Variants in NCKAP5 observed in about 807,000 individuals in gnomAD.
NCKAP5 encodes the protein NCK associated protein 5, also known as nck-associated protein 5.
Under a neutral mutation model 167.0 loss-of-function variants are expected in NCKAP5, and 92 were observed. The observed-to-expected ratio is 0.55, with a 90% confidence interval of 0.47 to 0.66. The LOEUF is 0.66. Ranked by LOEUF, NCKAP5 falls within the 30% of genes least tolerant of loss-of-function variation. The pLI, the probability that NCKAP5 is intolerant of heterozygous loss-of-function variation, is 0.00. For missense variants in NCKAP5, 2,378 were observed against 2,315.0 expected (o/e 1.03, Z -0.56); for synonymous variants, 891 against 877.4 (o/e 1.02, Z -0.27).
In NCKAP5 at chr2:132,784,738, A is replaced by T. The variant is rs1488345992; in HGVS notation, c.2073T>A (p.Val691=). 2 of 1,613,952 alleles carry T rather than the reference A, an allele frequency of 1.2e-6. No individual in the cohort carries two copies. The highest frequency in any genetic ancestry group is 1.7e-5 in the Admixed American group (1 of 60,018). Residue 691 remains valine, a synonymous_variant, in exon 14 of 20, where the codon GTT becomes GTA. Coordinates refer to ENST00000409261, the MANE Select transcript of NCKAP5 (RefSeq NM_207363.3). The part of the protein sequence containing the change: ...FSSHQTGVVT[V]TRNEISINST... ...AATTGATGGAAATCTCATTTCTGGT[A>T]ACAGTGACAACCCCAGTCTGGTGAG... is the stretch of plus-strand genomic sequence containing the variant.
chr2:132,720,177 G>A (rs1408668965), intron 19 of NCKAP5, among the ~76,000 whole-genome samples: 2 of 152,140 alleles, frequency 1.3e-5, no homozygotes, highest in Non-Finnish European at 2.9e-5. Context: ...CTGAGGACTT[G>A]CCTGCTGGAA....
chr2:132,849,967 G>A (rs7571473), intron 11 of NCKAP5, among the ~76,000 whole-genome samples: 41,918 of 152,044 alleles, frequency 0.28, 6,333 homozygotes, highest in African/African-American at 0.41. Context: ...TCCTGGAATC[G>A]AGCCGCTACT....
At chr2:132,985,957 CAACA>C (rs1400928127) in intron 7 of NCKAP5, among the ~76,000 whole-genome samples, 2 of 152,118 alleles carry the variant, frequency 1.3e-5, no homozygotes, top group East Asian at 3.9e-4. Flanking sequence ...GCCACTCTAT[CAACA>C]AACAGAATTT....
At chr2:133,440,668 C>T (rs1690780446) in intron 3 of NCKAP5, among the ~76,000 whole-genome samples, 1 of 144,050 alleles carries the variant, frequency 6.9e-6, no homozygotes, top group Middle Eastern at 3.8e-3. Context: ...AGAGATGGCG[C>T]CACTGCACTC....
intron 15 of NCKAP5, among the ~76,000 whole-genome samples, chr2:132,776,444 C>T (rs926662001): frequency 2.0e-5 from 3 of 152,120 alleles, no homozygotes; most frequent in Non-Finnish European, 2.9e-5. Context: ...TGTGCTTAAC[C>T]GCAAACACTA....
intron 3 of NCKAP5, among the ~76,000 whole-genome samples, chr2:133,437,866 AG>A (rs1690591566): frequency 6.6e-6 from 1 of 152,258 alleles, no homozygotes; most frequent in Non-Finnish European, 1.5e-5. Flanking sequence ...CAGAGAGTTT[AG>A]CATGGTGCCT....
intron 6 of NCKAP5, among the ~76,000 whole-genome samples, chr2:133,111,399 A>G (rs186169384): frequency 3.3e-5 from 5 of 152,352 alleles, no homozygotes; most frequent in Admixed American, 6.5e-5. Context: ...AACAAGCACT[A>G]CTGACTACCA....
At chr2:133,283,612 A>ATT (rs34533937) in intron 4 of NCKAP5, among the ~76,000 whole-genome samples, 3 of 143,334 alleles carry the variant, frequency 2.1e-5, no homozygotes, top group Non-Finnish European at 4.6e-5. Context: ...GCTGAAAAGG[A>ATT]TTTTTTTTTT....
chr2:133,464,970 T>G (rs183066241), intron 3 of NCKAP5, among the ~76,000 whole-genome samples: 19 of 152,106 alleles, frequency 1.2e-4, no homozygotes, highest in African/African-American at 4.6e-4. Context: ...ATTTAAGATA[T>G]GTAAATACAC....
At chr2:133,393,594 T>A (rs987835941) in intron 3 of NCKAP5, among the ~76,000 whole-genome samples, 4 of 152,260 alleles carry the variant, frequency 2.6e-5, no homozygotes, top group Non-Finnish European at 4.4e-5. Flanking sequence ...TCTTTCATAC[T>A]GAGTTAGTGC....
At position 132,785,276 on chromosome 2, in the gene NCKAP5, A is replaced by G. The variant is rs199782654; in HGVS notation, c.1535T>C (p.Phe512Ser). 195 of 1,589,440 alleles carry G rather than the reference A, an allele frequency of 1.2e-4. No homozygotes were observed. Among genetic ancestry groups the G allele is most frequent in the Non-Finnish European group, 1.6e-4 (189 of 1,166,656 alleles). Residue 512 changes from phenylalanine to serine, a missense_variant, in exon 14 of 20, where the codon TTT becomes TCT. Transcript: ENST00000409261. ...GTGTTTTCTGTTTGTCTCCCAGCCA[A>G]ACAGACTGTCGGAAACACTGTGGGT... ...KLTHSVSDSL[F>S]GWETNRKHFL...
chr2:133,180,606 T>G (rs1393173518), intron 5 of NCKAP5, among the ~76,000 whole-genome samples: 2 of 152,176 alleles, frequency 1.3e-5, no homozygotes, highest in Non-Finnish European at 2.9e-5. Flanking sequence ...CCCAAAGTGC[T>G]GGGATTACAG....
At chr2:133,219,849 T>A (rs1468955996) in intron 4 of NCKAP5, among the ~76,000 whole-genome samples, 1 of 152,192 alleles carries the variant, frequency 6.6e-6, no homozygotes, top group Admixed American at 6.5e-5. Context: ...TATTTCTAGA[T>A]GTTATTTCTG....
chr2:133,109,951 G>A (rs2081853633), intron 6 of NCKAP5, among the ~76,000 whole-genome samples: 1 of 152,166 alleles, frequency 6.6e-6, no homozygotes, highest in Non-Finnish European at 1.5e-5. Context: ...GCTCCTAGCT[G>A]ACACAAATTA....
At chr2:132,735,415 T>C (rs931719339) in intron 16 of NCKAP5, among the ~76,000 whole-genome samples, 2 of 152,144 alleles carry the variant, frequency 1.3e-5, no homozygotes, top group African/African-American at 4.8e-5. Flanking sequence ...CTCCTGCTCT[T>C]GCATTTGAGA....
chr2:132,696,902 T>G (rs10928434), intron 19 of NCKAP5, among the ~76,000 whole-genome samples: 17,870 of 152,052 alleles, frequency 0.12, 3,317 homozygotes, highest in African/African-American at 0.4. Context: ...TTATTTGGGT[T>G]GGGGGAACAT....
At chr2:132,928,612 T>C (rs1045210029) in intron 8 of NCKAP5, among the ~76,000 whole-genome samples, 3 of 152,182 alleles carry the variant, frequency 2.0e-5, no homozygotes, top group East Asian at 1.9e-4. Flanking sequence ...TAAAGTTTCA[T>C]CTTCTTTTAA....
intron 2 of NCKAP5, among the ~76,000 whole-genome samples, chr2:133,523,037 A>G (rs746818267): frequency 1.3e-5 from 2 of 151,688 alleles, no homozygotes; most frequent in Non-Finnish European, 2.9e-5. Context: ...CCTCACATAC[A>G]CCCATCTCTA....
At chr2:133,238,366 T>C (rs1378760081) in intron 4 of NCKAP5, among the ~76,000 whole-genome samples, 1 of 152,078 alleles carries the variant, frequency 6.6e-6, no homozygotes, top group African/African-American at 2.4e-5. Context: ...CAGCCTTTGG[T>C]AAAGTCTCTG....
Sources: allele counts gnomAD v4.1 joint callset (sites outside exome capture counted in the v4.1 genomes callset), GRCh38; gene constraint gnomAD v4.1.1; transcripts MANE v1.5; gene names NCBI Gene and HGNC (gene_info 2026-07-23, HGNC 2026-07-21).